The following FOXP1 variants were observed in gnomAD, a reference collection of about 807,000 sequenced individuals.
FOXP1 encodes forkhead box P1, also known as forkhead box protein P1.
FOXP1 carries 15 observed loss-of-function variants against 98.2 expected under a neutral mutation model. That is an observed-to-expected ratio of 0.15 (90% CI 0.10 to 0.24). The LOEUF (loss-of-function observed/expected upper bound fraction) is 0.24. Ranked by LOEUF, FOXP1 falls within the 10% of genes least tolerant of loss-of-function variation. The pLI is 1.00. For missense variants in FOXP1, 633 were observed against 848.5 expected, an observed-to-expected ratio of 0.75 and a Z score of 3.15; for synonymous variants, 371 against 314.5, an observed-to-expected ratio of 1.18 and a Z score of -1.90.
At chr3:71,200,728 C>T (rs576364959) in intron 5 of FOXP1, among the ~76,000 whole-genome samples, 1 of 152,264 alleles carries the variant, frequency 6.6e-6, no homozygotes, top group African/African-American at 2.4e-5. Flanking sequence ...TATGTACAAC[C>T]AATGCTACAG....
At chr3:71,480,306 A>T (rs1303023322) in intron 3 of FOXP1, among the ~76,000 whole-genome samples, 1 of 152,254 alleles carries the variant, frequency 6.6e-6, no homozygotes, top group Non-Finnish European at 1.5e-5. Context: ...TCTGGCACAC[A>T]GTATGCTGCT....
chr3:71,516,552 C>A (rs1428125139), intron 2 of FOXP1, among the ~76,000 whole-genome samples: 1 of 152,114 alleles, frequency 6.6e-6, no homozygotes, highest in Middle Eastern at 3.2e-3. Flanking sequence ...GAATAAGACT[C>A]ATTCTGCTGT....
intron 12 of FOXP1, among the ~76,000 whole-genome samples, chr3:71,008,772 T>C (rs547567839): frequency 6.6e-6 from 1 of 152,168 alleles, no homozygotes; most frequent in South Asian, 2.1e-4. Flanking sequence ...TACCTCACCT[T>C]GGGAACAAAT....
chr3:71,427,934 C>A (rs905847629), intron 3 of FOXP1, among the ~76,000 whole-genome samples: 2 of 152,098 alleles, frequency 1.3e-5, no homozygotes, highest in African/African-American at 4.8e-5. Context: ...AAAATATCTT[C>A]CAGGAACCTG....
At chr3:71,436,719 G>A (rs151198275) in intron 3 of FOXP1, among the ~76,000 whole-genome samples, 12 of 152,102 alleles carry the variant, frequency 7.9e-5, no homozygotes, top group Non-Finnish European at 1.6e-4. Flanking sequence ...CACATCCTCC[G>A]AGAATGATGA....
At chr3:71,363,862 T>A (rs774598614) in intron 3 of FOXP1, among the ~76,000 whole-genome samples, 5 of 152,214 alleles carry the variant, frequency 3.3e-5, no homozygotes, top group Non-Finnish European at 7.3e-5. Flanking sequence ...TCCTGAAGCC[T>A]CTGGCACCCT....
chr3:71,318,770 A>C (rs1289079981), intron 4 of FOXP1, among the ~76,000 whole-genome samples: 1 of 152,252 alleles, frequency 6.6e-6, no homozygotes, highest in Non-Finnish European at 1.5e-5. Flanking sequence ...AAATGGTTCC[A>C]GTTAAAGATA....
chr3:71,416,726 G>A (rs2083254611), intron 3 of FOXP1, among the ~76,000 whole-genome samples: 1 of 152,052 alleles, frequency 6.6e-6, no homozygotes, highest in African/African-American at 2.4e-5. Context: ...GCATATTACA[G>A]GCAGAAGGAA....
chr3:71,287,984 G>T (rs559839863), intron 5 of FOXP1, among the ~76,000 whole-genome samples: 25 of 151,746 alleles, frequency 1.6e-4, no homozygotes, highest in Middle Eastern at 6.8e-3. Flanking sequence ...GGGTTCAAGC[G>T]ATTCTCCTGC....
chr3:71,361,650 G>A (rs557258073), intron 3 of FOXP1, among the ~76,000 whole-genome samples: 6 of 152,232 alleles, frequency 3.9e-5, no homozygotes, highest in South Asian at 2.1e-4. Context: ...CATTGATGGC[G>A]GGGCACACTA....
At chr3:71,361,455 C>T (rs1045606206) in intron 3 of FOXP1, among the ~76,000 whole-genome samples, 2 of 152,140 alleles carry the variant, frequency 1.3e-5, no homozygotes, top group Non-Finnish European at 2.9e-5. Context: ...ACTTTTCTCC[C>T]CTTTATTATC....
At chr3:71,266,719 C>T (rs1211209109) in intron 5 of FOXP1, among the ~76,000 whole-genome samples, 1 of 152,096 alleles carries the variant, frequency 6.6e-6, no homozygotes, top group Non-Finnish European at 1.5e-5. Flanking sequence ...ATTTTTTAAC[C>T]CTCACCTTCC....
intron 3 of FOXP1, among the ~76,000 whole-genome samples, chr3:71,363,441 T>A (rs2078710379): frequency 6.6e-6 from 1 of 152,248 alleles, no homozygotes; most frequent in Non-Finnish European, 1.5e-5. Flanking sequence ...CTGAGATAGA[T>A]CTGTCATTTT....
chr3:71,369,215 C>T, intron 3 of FOXP1, among the ~76,000 whole-genome samples: 1 of 152,064 alleles, frequency 6.6e-6, no homozygotes, highest in East Asian at 1.9e-4. Context: ...TGGTGAAACC[C>T]CGTCTCTACT....
Position 71,556,563 on chromosome 3 carries a change from C to T in FOXP1, c.-298+24986G>A, listed in dbSNP as rs374561163. ...CTGCACTCCAGGCTGGGCGACAGAG[C>T]GAGACTCCGTCTCAAAAAAAAAAAA... On this transcript the variant is annotated intron_variant, in intron 2 of 20. Coordinates refer to ENST00000649528, the MANE Select transcript of FOXP1 (RefSeq NM_001349338.3). Among the ~76,000 whole-genome samples, 36 of 115,530 alleles carry T rather than the reference C, an allele frequency of 3.1e-4. No homozygotes were observed. In the South Asian group the frequency reaches 7.3e-3, roughly 23 times the overall value. The allele number at this position is 115,530 out of a possible 152,430, so 75.8% of individuals were successfully genotyped here.
intron 11 of FOXP1, among the ~76,000 whole-genome samples, chr3:71,034,843 C>T (rs990597990): frequency 6.6e-6 from 1 of 152,174 alleles, no homozygotes; most frequent in Non-Finnish European, 1.5e-5. Flanking sequence ...ATGATTTCTA[C>T]TCTGTTGGCT....
chr3:71,541,923 T>C (rs1225988466), intron 2 of FOXP1: 2 of 514,660 alleles, frequency 3.9e-6, no homozygotes, highest in South Asian at 1.5e-5. Context: ...GAGGTTTGAC[T>C]CTGGTCAAAC....
chr3:71,001,077 A>G lies in FOXP1; in HGVS notation c.975-18T>C. Reference sequence around the variant, plus strand: ...TGAGATGTCTGCAACAATACATAGAAAATCATTAAGTGAAATGGAGAAACA... The same window carrying G: ...TGAGATGTCTGCAACAATACATAGAGAATCATTAAGTGAAATGGAGAAACA... On this transcript the variant is annotated intron_variant, in intron 12 of 20. Transcript: ENST00000649528. 1.3e-6 allele frequency: 2 copies of G among 1,584,518 alleles called. No individual in the cohort carries two copies. The highest frequency in any genetic ancestry group is 1.3e-5 in the African/African-American group (1 of 74,486).
At chr3:71,077,979 C>G (rs529102476) in intron 7 of FOXP1, among the ~76,000 whole-genome samples, 4 of 152,098 alleles carry the variant, frequency 2.6e-5, no homozygotes, top group Non-Finnish European at 4.4e-5. Context: ...ATTATAGGCA[C>G]GCGCCATCAC....
Sources: allele counts gnomAD v4.1 joint callset (sites outside exome capture counted in the v4.1 genomes callset), GRCh38; gene constraint gnomAD v4.1.1; transcripts MANE v1.5; gene names NCBI Gene and HGNC (gene_info 2026-07-23, HGNC 2026-07-21).